Variants in RASGEF1C observed in about 807,000 individuals in gnomAD.
The protein encoded by RASGEF1C is ras-GEF domain-containing family member 1C.
A neutral mutation model predicts 58.1 loss-of-function variants in RASGEF1C; 27 were observed. The ratio of observed to expected loss-of-function variants is 0.46; its 90% CI spans 0.34 to 0.64. RASGEF1C has a LOEUF of 0.64. Among genes scored for constraint, RASGEF1C ranks in the 30% least tolerant of loss-of-function variants. RASGEF1C has a pLI of 0.01. For synonymous variants in RASGEF1C, 243 were observed against 246.3 expected (o/e 0.99, Z 0.13); for missense variants, 502 against 605.1 (o/e 0.83, Z 1.79).
At chr5:180,207,585 C>A (rs1262247806) in intron 1 of RASGEF1C, among the ~76,000 whole-genome samples, 4 of 152,170 alleles carry the variant, frequency 2.6e-5, no homozygotes, top group Non-Finnish European at 5.9e-5. Context: ...CTGCGGGCTC[C>A]CCCTCGCCAG....
chr5:180,101,225 T>C lies in RASGEF1C; in HGVS notation c.*276A>G, dbSNP rs749654272. On this transcript the variant is annotated 3_prime_UTR_variant, in exon 14 of 14. Coordinates refer to ENST00000361132, the MANE Select transcript of RASGEF1C (RefSeq NM_175062.4). Reference sequence around the variant, plus strand: ...GTGTCCTTGCCGAGGATGGACAGACTGACCAGGCCCCACGGTCCTGAAGGC... The same window carrying C: ...GTGTCCTTGCCGAGGATGGACAGACCGACCAGGCCCCACGGTCCTGAAGGC... 369 of 515,136 alleles carry C rather than the reference T, an allele frequency of 7.2e-4. No homozygotes were observed. The highest frequency in any genetic ancestry group is 1.1e-3 in the Non-Finnish European group (328 of 286,994). The allele number at this position is 515,136 out of a possible 1,614,324, so 31.9% of individuals were successfully genotyped here.
chr5:180,151,348 T>C (rs1288891768), intron 1 of RASGEF1C, among the ~76,000 whole-genome samples: 2 of 152,266 alleles, frequency 1.3e-5, no homozygotes, highest in South Asian at 2.1e-4. Context: ...CAAAACAGCA[T>C]GGTACTGGTA....
At chr5:180,106,978 A>G (rs527805327) in intron 12 of RASGEF1C, among the ~76,000 whole-genome samples, 3 of 152,274 alleles carry the variant, frequency 2.0e-5, no homozygotes, top group African/African-American at 7.2e-5. Context: ...TAGGATTGCT[A>G]TATCTTGGGG....
At chr5:180,192,731 T>C (rs978635770) in intron 1 of RASGEF1C, among the ~76,000 whole-genome samples, 3 of 138,978 alleles carry the variant, frequency 2.2e-5, no homozygotes, top group African/African-American at 5.1e-5. Flanking sequence ...AATATCTTCA[T>C]AGTGTTTTTT....
At chr5:180,190,468 T>A (rs33998933) in intron 1 of RASGEF1C, among the ~76,000 whole-genome samples, 13,248 of 120,358 alleles carry the variant, frequency 0.11, 1,147 homozygotes, top group Middle Eastern at 0.22. Flanking sequence ...CCAGACTGGG[T>A]GACAGAGTGA....
chr5:180,172,249 C>A (rs1767120955), intron 1 of RASGEF1C, among the ~76,000 whole-genome samples: 1 of 152,120 alleles, frequency 6.6e-6, no homozygotes, highest in African/African-American at 2.4e-5. Flanking sequence ...CACTCAGGGC[C>A]CCAGCATGCC....
At chr5:180,119,549 T>C (rs900906405) in intron 7 of RASGEF1C, 101 bp from the exon 8 acceptor site, 8 of 845,020 alleles carry the variant, frequency 9.5e-6, no homozygotes, top group South Asian at 1.5e-5. Flanking sequence ...TCTAAACCCA[T>C]TGCACAGCTG....
intron 6 of RASGEF1C, among the ~76,000 whole-genome samples, chr5:180,127,152 G>C (rs1303533052): frequency 6.6e-6 from 1 of 152,142 alleles, no homozygotes; most frequent in South Asian, 2.1e-4. Context: ...CCTGAGCACC[G>C]GGACCCAGGA....
intron 10 of RASGEF1C, 105 bp from the exon 11 acceptor site, chr5:180,114,646 C>T (rs1462478486): frequency 1.8e-6 from 2 of 1,092,888 alleles, no homozygotes; most frequent in Non-Finnish European, 2.6e-6. Flanking sequence ...GGACCTCAGA[C>T]CCGACCCCAG....
chr5:180,192,169 G>A (rs1185194666), intron 1 of RASGEF1C, among the ~76,000 whole-genome samples: 2 of 152,184 alleles, frequency 1.3e-5, no homozygotes, highest in East Asian at 3.8e-4. Context: ...ACAGACTAGT[G>A]ACCTTGATCA....
intron 1 of RASGEF1C, among the ~76,000 whole-genome samples, chr5:180,179,693 G>C (rs1024824059): frequency 2.6e-5 from 4 of 152,220 alleles, no homozygotes; most frequent in African/African-American, 9.7e-5. Context: ...CTCCATTCAA[G>C]GAATACTGAA....
chr5:180,183,326 A>G (rs1029891193), intron 1 of RASGEF1C, among the ~76,000 whole-genome samples: 2 of 152,236 alleles, frequency 1.3e-5, no homozygotes, highest in Non-Finnish European at 2.9e-5. Flanking sequence ...TGTGTTTTAC[A>G]TTACCAAGAT....
At chr5:180,207,903 C>T (rs1249563318) in intron 1 of RASGEF1C, among the ~76,000 whole-genome samples, 6 of 152,220 alleles carry the variant, frequency 3.9e-5, no homozygotes, top group Non-Finnish European at 5.9e-5. Flanking sequence ...CCCAGTCACC[C>T]TACTGCATGT....
chr5:180,205,715 A>ATATTATTAT lies in RASGEF1C; in HGVS notation c.-7+3304_-7+3312dup, dbSNP rs10577396. On this transcript the variant is annotated intron_variant, in intron 1 of 13. Transcript: ENST00000361132. ...TAAAGTCCTCTTTGCCATTATTATA[A>ATATTATTAT]TATTATTATTATTATTATTATTATT... is the stretch of plus-strand genomic sequence containing the variant. Among the ~76,000 whole-genome samples the ATATTATTAT allele has an allele frequency of 1.8e-3, 272 of 147,148 alleles. 1 individual carries two copies. The highest frequency in any genetic ancestry group is 5.4e-3 in the African/African-American group (215 of 39,976).
chr5:180,115,161 C>A (rs781129277), intron 10 of RASGEF1C: 1 of 317,476 alleles, frequency 3.1e-6, no homozygotes, highest in Non-Finnish European at 6.3e-6. Context: ...ATTACAGGCA[C>A]CTGCTGCCAC....
At chr5:180,121,971 G>A (rs191063775) in intron 6 of RASGEF1C, among the ~76,000 whole-genome samples, 1 of 152,268 alleles carries the variant, frequency 6.6e-6, no homozygotes, top group East Asian at 1.9e-4. Flanking sequence ...CTGAAGTGCC[G>A]TCTAGTATTC....
At chr5:180,149,088 CTTTTT>C (rs61204210) in intron 1 of RASGEF1C, among the ~76,000 whole-genome samples, 2 of 110,176 alleles carry the variant, frequency 1.8e-5, no homozygotes, top group Non-Finnish European at 3.7e-5. Flanking sequence ...CTTTTTTTTT[CTTTTT>C]TTTTTTTTTT....
intron 12 of RASGEF1C, among the ~76,000 whole-genome samples, chr5:180,103,359 G>C (rs774341457): frequency 3.3e-5 from 5 of 152,214 alleles, no homozygotes; most frequent in South Asian, 2.1e-4. Context: ...TTACAGGCGT[G>C]AGCCACCGCA....
At chr5:180,132,286 G>A (rs1766383615) in intron 4 of RASGEF1C, among the ~76,000 whole-genome samples, 1 of 152,244 alleles carries the variant, frequency 6.6e-6, no homozygotes, top group East Asian at 1.9e-4. Context: ...CAAGCCATCT[G>A]CTGCGTGCAT....
Sources: allele counts gnomAD v4.1 joint callset (sites outside exome capture counted in the v4.1 genomes callset), GRCh38; gene constraint gnomAD v4.1.1; transcripts MANE v1.5; gene names NCBI Gene and HGNC (gene_info 2026-07-23, HGNC 2026-07-21).